SPON1: variants seen among roughly 807,000 people sequenced by gnomAD.
SPON1 encodes spondin-1.
SPON1 carries 52 observed loss-of-function variants against 111.7 expected under a neutral mutation model. That is an observed-to-expected ratio of 0.47 (90% CI 0.37 to 0.59). The LOEUF is 0.59. SPON1 is among the 20% of genes least tolerant of loss of function. SPON1 has a pLI of 0.00. For synonymous variants in SPON1, 410 were observed against 395.8 expected (o/e 1.04, Z -0.43); for missense variants, 957 against 1,068.5 (o/e 0.90, Z 1.46).
intron 6 of SPON1, among the ~76,000 whole-genome samples, chr11:14,201,119 T>A (rs963964341): frequency 3.3e-5 from 5 of 151,976 alleles, no homozygotes; most frequent in Non-Finnish European, 7.4e-5. Context: ...GGCGGGTAGA[T>A]CACAAGGTCA....
chr11:14,138,909 A>G (rs549872830), intron 6 of SPON1, among the ~76,000 whole-genome samples: 1 of 151,814 alleles, frequency 6.6e-6, no homozygotes, highest in South Asian at 2.1e-4. Flanking sequence ...TGCCCTCATC[A>G]CCACCTCCCT....
chr11:14,029,750 T>A (rs1288514742), intron 2 of SPON1, among the ~76,000 whole-genome samples: 1 of 152,194 alleles, frequency 6.6e-6, no homozygotes, highest in Non-Finnish European at 1.5e-5. Context: ...GCCTTCAGGC[T>A]GTTTTAGGTT....
chr11:14,044,569 G>C (rs559430602), intron 3 of SPON1, among the ~76,000 whole-genome samples: 1 of 152,268 alleles, frequency 6.6e-6, no homozygotes, highest in African/African-American at 2.4e-5. Context: ...CCGAGACTGT[G>C]CCACCGCACT....
chr11:14,255,971 G>C (rs574140932), intron 9 of SPON1, among the ~76,000 whole-genome samples, 184 bp downstream of exon 9: 1 of 152,336 alleles, frequency 6.6e-6, no homozygotes, highest in East Asian at 1.9e-4. Context: ...AGCAGGCCAG[G>C]CACTGTAGCC....
intron 6 of SPON1, among the ~76,000 whole-genome samples, chr11:14,196,295 T>C (rs1328865139): frequency 6.6e-6 from 1 of 152,048 alleles, no homozygotes; most frequent in South Asian, 2.1e-4. Flanking sequence ...AGTAGATTAG[T>C]GGTTGCCTAG....
chr11:14,141,024 C>CG (rs1554928710), intron 6 of SPON1, among the ~76,000 whole-genome samples: 6 of 124,706 alleles, frequency 4.8e-5, no homozygotes, highest in East Asian at 5.9e-4. Context: ...CAGGCGTGCC[C>CG]CCCCCATGCC....
In SPON1 at chr11:14,259,137, A is replaced by T; in HGVS notation, c.1493-143A>T. On this transcript the variant is annotated intron_variant, in intron 11 of 15. Transcript: ENST00000576479. This position sits in a 1 kb window ranked among gnomAD's most constrained non-coding sequence, Gnocchi z 5.0. ...TCCTCTTAGAGAACTTTGCCAGTTT[A>T]AGGATTTAGACCTCTTAGGTGTGCA... The T allele has an allele frequency of 1.2e-6, 1 of 805,740 alleles. No individual in the cohort carries two copies. Among genetic ancestry groups the T allele is most frequent in the Non-Finnish European group, 1.9e-6 (1 of 535,960 alleles). The allele number at this position is 805,740 out of a possible 1,614,324, so 49.9% of individuals were successfully genotyped here. A position where few individuals can be genotyped will look rare whatever the true frequency, so the allele number is the denominator to read the frequency against.
Position 14,260,662 on chromosome 11 carries a change from A to C in SPON1, c.1906A>C (p.Thr636Pro), listed in dbSNP as rs782238308. The C allele has an allele frequency of 5.6e-6, 9 of 1,613,848 alleles. No individual in the cohort carries two copies. Among genetic ancestry groups the C allele is most frequent in the Middle Eastern group, 3.3e-4 (2 of 6,084 alleles). The change falls in exon 14 of 16, where the codon ACC becomes CCC. Residue 636 changes from threonine to proline, a missense_variant. By Grantham distance (38) the Thr-to-Pro change is conservative (BLOSUM62 -1). Transcript: ENST00000576479. ...CSVTCGKGMR[T>P]RQRMLKSLAE... ...CGTGACCTGCGGGAAGGGCATGCGA[A>C]CCCGACAGCGGATGCTCAAGTCTCT...
intron 1 of SPON1, among the ~76,000 whole-genome samples, chr11:13,975,555 C>T (rs782251770): frequency 1.5e-4 from 23 of 152,138 alleles, no homozygotes; most frequent in African/African-American, 4.8e-4. Flanking sequence ...TTCATAAACA[C>T]GTATGGAACT....
At chr11:14,107,277 A>AACC (rs1849191911) in intron 5 of SPON1, among the ~76,000 whole-genome samples, 2 of 152,150 alleles carry the variant, frequency 1.3e-5, no homozygotes, top group Admixed American at 1.3e-4. Flanking sequence ...ACCCTGGGAA[A>AACC]ACCAAGAGGA....
chr11:14,157,938 A>C (rs1366181999), intron 6 of SPON1, among the ~76,000 whole-genome samples: 5 of 152,154 alleles, frequency 3.3e-5, no homozygotes, highest in African/African-American at 9.7e-5. Context: ...TATAGTTTTT[A>C]AGTCCAAGTC....
intron 1 of SPON1, 78 bp downstream of exon 1, chr11:13,963,220 G>A (rs1847989222): frequency 1.7e-6 from 2 of 1,165,076 alleles, no homozygotes; most frequent in Non-Finnish European, 2.3e-6. Context: ...TGCCGGAGGA[G>A]GGCGCGCGGT....
chr11:14,193,062 G>A (rs1400218988), intron 6 of SPON1, among the ~76,000 whole-genome samples: 2 of 152,120 alleles, frequency 1.3e-5, no homozygotes, highest in African/African-American at 2.4e-5. Flanking sequence ...GTCTAAACTC[G>A]TGCACCAGCA....
chr11:14,154,700 C>T (rs528428047), intron 6 of SPON1, among the ~76,000 whole-genome samples: 1 of 152,214 alleles, frequency 6.6e-6, no homozygotes, highest in East Asian at 1.9e-4. Context: ...TTGAATTCTT[C>T]CCCAGAAAAT....
chr11:14,085,193 G>A (rs1412595593), intron 5 of SPON1, among the ~76,000 whole-genome samples: 1 of 152,072 alleles, frequency 6.6e-6, no homozygotes, highest in Non-Finnish European at 1.5e-5. Context: ...AATTGCTTTT[G>A]GTGTTGTAGT....
At chr11:14,041,208 C>T (rs909689107) in intron 2 of SPON1, among the ~76,000 whole-genome samples, 24 of 152,130 alleles carry the variant, frequency 1.6e-4, no homozygotes, top group African/African-American at 5.8e-4. Flanking sequence ...CCTTCTTCCC[C>T]AAAGTGGGAC....
At chr11:14,084,815 T>C (rs1848992550) in intron 5 of SPON1, among the ~76,000 whole-genome samples, 1 of 152,194 alleles carries the variant, frequency 6.6e-6, no homozygotes, top group South Asian at 2.1e-4. Flanking sequence ...CACCTGTTGT[T>C]TCTTGACTTT....
At chr11:13,993,776 T>G (rs868957454) in intron 2 of SPON1, among the ~76,000 whole-genome samples, 4 of 152,222 alleles carry the variant, frequency 2.6e-5, no homozygotes, top group Non-Finnish European at 5.9e-5. Flanking sequence ...GCAGCAACTA[T>G]GAACAGGACA....
chr11:14,127,534 A>G (rs1222163543), intron 5 of SPON1, among the ~76,000 whole-genome samples: 1 of 152,024 alleles, frequency 6.6e-6, no homozygotes, highest in African/African-American at 2.4e-5. Flanking sequence ...TACCAAAGGT[A>G]TGGTACCATG....
Sources: allele counts gnomAD v4.1 joint callset (sites outside exome capture counted in the v4.1 genomes callset), GRCh38; gene constraint gnomAD v4.1.1; non-coding constraint Gnocchi (gnomAD v3.1); transcripts MANE v1.5; gene names NCBI Gene and HGNC (gene_info 2026-07-23, HGNC 2026-07-21).